TNFAIP8: variants seen among roughly 807,000 people sequenced by gnomAD.
TNFAIP8 encodes tumor necrosis factor alpha-induced protein 8.
In TNFAIP8, 7 loss-of-function variants were observed where a neutral mutation model predicts 13.3. The ratio of observed to expected loss-of-function variants is 0.52; its 90% CI spans 0.30 to 0.99. TNFAIP8 has a LOEUF of 0.99. TNFAIP8 is among the 50% of genes least tolerant of loss of function. TNFAIP8 has a pLI of 0.07. For synonymous variants in TNFAIP8, 94 were observed against 87.6 expected (o/e 1.07, Z -0.41); for missense variants, 258 against 236.9 (o/e 1.09, Z -0.58).
At chr5:119,288,616 A>G (rs1204080529) in intron 1 of TNFAIP8, among the ~76,000 whole-genome samples, 1 of 152,242 alleles carries the variant, frequency 6.6e-6, no homozygotes, top group Non-Finnish European at 1.5e-5. Flanking sequence ...TTCCTTATCA[A>G]CAGGCTTGTA....
rs55965350 is a variant in TNFAIP8 at position 119,311,688 on chromosome 5, C to CAAAAAAAAAAAAAAAA, written c.1+42787_1+42802dup. ...TGGGTGACAGAGTGAGACTCCGTCT[C>CAAAAAAAAAAAAAAAA]AAAAAAAAAAAAAAAAAAAAATCAG... On this transcript the variant is annotated intron_variant, in intron 1 of 1. Transcript: ENST00000274456. Among the ~76,000 whole-genome samples the CAAAAAAAAAAAAAAAA allele has an allele frequency of 3.0e-5, 2 of 66,666 alleles. 1 individual carries two copies. Among genetic ancestry groups the CAAAAAAAAAAAAAAAA allele is most frequent in the African/African-American group, 1.3e-4 (2 of 15,432 alleles). The allele number at this position is 66,666 out of a possible 152,430, so 43.7% of individuals were successfully genotyped here. A position where few individuals can be genotyped will look rare whatever the true frequency, so the allele number is the denominator to read the frequency against.
chr5:119,316,628 A>G (rs140339450), intron 1 of TNFAIP8, among the ~76,000 whole-genome samples: 78 of 152,334 alleles, frequency 5.1e-4, no homozygotes, highest in African/African-American at 1.8e-3. Context: ...TTGGCTGCAC[A>G]TTAGAATCTC....
chr5:119,329,606 A>G (rs2112703555), intron 1 of TNFAIP8, among the ~76,000 whole-genome samples: 1 of 152,344 alleles, frequency 6.6e-6, no homozygotes, highest in Middle Eastern at 3.4e-3. Context: ...GAAAAAAGCC[A>G]GCAGATGTAG....
At chr5:119,302,778 C>A (rs549800468) in intron 1 of TNFAIP8, among the ~76,000 whole-genome samples, 1 of 152,308 alleles carries the variant, frequency 6.6e-6, no homozygotes, top group South Asian at 2.1e-4. Flanking sequence ...CACCAAACAG[C>A]AAACTCTCTT....
chr5:119,293,980 C>G (rs1245962001), intron 1 of TNFAIP8, among the ~76,000 whole-genome samples: 1 of 152,144 alleles, frequency 6.6e-6, no homozygotes, highest in Non-Finnish European at 1.5e-5. Flanking sequence ...TCATTGGAAC[C>G]AAATCCATAG....
Position 119,356,098 on chromosome 5 carries a change from C to G in TNFAIP8, c.8C>G (p.Ser3Cys). 1 of 1,588,044 alleles carries G rather than the reference C, an allele frequency of 6.3e-7. No homozygotes were observed. Among genetic ancestry groups the G allele is most frequent in the Non-Finnish European group, 8.6e-7 (1 of 1,165,448 alleles). MH[S>C]EAEESKEVAT... ...GCTGGTTATCCTGACATTATGCACT[C>G]CGAAGCAGAAGAATCCAAGGAAGGT... The change falls in exon 1 of 2, where the codon TCC (serine) becomes TGC (cysteine). Residue 3 changes from serine (S) to cysteine (C), a missense_variant. By Grantham distance (112) the Ser-to-Cys change is moderately radical. Coordinates refer to ENST00000504771, the MANE Select transcript of TNFAIP8 (RefSeq NM_014350.4).
chr5:119,329,026 G>C (rs1750300843), intron 1 of TNFAIP8, among the ~76,000 whole-genome samples: 1 of 152,214 alleles, frequency 6.6e-6, no homozygotes, highest in Admixed American at 6.5e-5. Context: ...AGAGAGACTT[G>C]AGCATGAATC....
At chr5:119,293,427 C>T (rs943910213) in intron 1 of TNFAIP8, among the ~76,000 whole-genome samples, 8 of 152,128 alleles carry the variant, frequency 5.3e-5, no homozygotes, top group African/African-American at 1.4e-4. Flanking sequence ...ACTACACATA[C>T]GAGTGAGATC....
At chr5:119,278,274 C>A (rs1343404738) in intron 1 of TNFAIP8, among the ~76,000 whole-genome samples, 3 of 151,230 alleles carry the variant, frequency 2.0e-5, no homozygotes, top group Admixed American at 2.0e-4. Flanking sequence ...TGCAGACTTG[C>A]CTCTTTGTGG....
chr5:119,325,111 A>T (rs1750180758), intron 1 of TNFAIP8, among the ~76,000 whole-genome samples: 1 of 152,202 alleles, frequency 6.6e-6, no homozygotes. Context: ...ATTACATGCC[A>T]TATATGGATG....
intron 1 of TNFAIP8, among the ~76,000 whole-genome samples, chr5:119,336,446 T>C (rs1261298752): frequency 6.6e-6 from 1 of 152,174 alleles, no homozygotes; most frequent in Non-Finnish European, 1.5e-5. Context: ...TTCAACCTGG[T>C]TCATCTTAGA....
intron 1 of TNFAIP8, among the ~76,000 whole-genome samples, chr5:119,291,624 T>C (rs1966478): frequency 0.65 from 98,184 of 152,162 alleles, 32,453 homozygotes; most frequent in East Asian, 0.93. Context: ...CATCTTTGAA[T>C]AGTGAAAGGC....
chr5:119,347,036 A>G (rs909481632), intron 1 of TNFAIP8, among the ~76,000 whole-genome samples: 7 of 152,246 alleles, frequency 4.6e-5, no homozygotes, highest in African/African-American at 1.7e-4. Flanking sequence ...CCTATTAAGT[A>G]TAAGACTTAC....
At chr5:119,297,593 G>A (rs540965132) in intron 1 of TNFAIP8, among the ~76,000 whole-genome samples, 3 of 152,342 alleles carry the variant, frequency 2.0e-5, no homozygotes, top group South Asian at 4.1e-4. Flanking sequence ...TTGATTCAGG[G>A]TGGAGAGTTC....
chr5:119,386,641 C>CA (rs1752687400), intron 1 of TNFAIP8, among the ~76,000 whole-genome samples: 1 of 152,154 alleles, frequency 6.6e-6, no homozygotes, highest in Non-Finnish European at 1.5e-5. Context: ...GTATAAGAAA[C>CA]AGAGTGAATG....
intron 1 of TNFAIP8, among the ~76,000 whole-genome samples, chr5:119,382,922 C>T (rs973092048): frequency 6.6e-6 from 1 of 152,218 alleles, no homozygotes; most frequent in African/African-American, 2.4e-5. Context: ...TGACTTTATT[C>T]TACAAATTTG....
At position 119,279,266 on chromosome 5, in the gene TNFAIP8, G is replaced by A. The variant is rs533992753; in HGVS notation, c.1+10359G>A. ...GGCTCAGCTGCCCTCCCATACTTGTGCTACAGGGTGTTACTCTTCAATAAT... is the reference window on the plus strand; with the variant it reads ...GGCTCAGCTGCCCTCCCATACTTGTACTACAGGGTGTTACTCTTCAATAAT... On this transcript the variant is annotated intron_variant, in intron 1 of 1. Coordinates refer to the TNFAIP8 transcript ENST00000274456. Among the ~76,000 whole-genome samples, 3 of 152,286 alleles carry A rather than the reference G, an allele frequency of 2.0e-5. No homozygotes were observed. The South Asian group carries it at 6.2e-4, about 32-fold the overall frequency.
At chr5:119,303,992 T>G (rs917386945) in intron 1 of TNFAIP8, among the ~76,000 whole-genome samples, 1 of 152,228 alleles carries the variant, frequency 6.6e-6, no homozygotes, top group African/African-American at 2.4e-5. Context: ...ATAAATGGAG[T>G]GACTGCCCTC....
At chr5:119,321,386 G>C (rs549931603) in intron 1 of TNFAIP8, among the ~76,000 whole-genome samples, 3 of 140,432 alleles carry the variant, frequency 2.1e-5, no homozygotes, top group Non-Finnish European at 3.0e-5. Context: ...ATGATTTCTA[G>C]TCCTGGAGGA....
Sources: gnomAD v4.1 joint callset for allele counts (sites outside exome capture counted in the v4.1 genomes callset) on GRCh38, gnomAD v4.1.1 for gene constraint, MANE v1.5 for transcripts, NCBI Gene and HGNC (gene_info 2026-07-23, HGNC 2026-07-21) for gene names.